Variants in KCMF1 observed in about 807,000 individuals in gnomAD.
KCMF1 encodes E3 ubiquitin-protein ligase KCMF1.
KCMF1 carries 3 observed loss-of-function variants against 41.1 expected under a neutral mutation model. The ratio of observed to expected loss-of-function variants is 0.07; its 90% CI spans 0.03 to 0.19. KCMF1 has a LOEUF of 0.19. Ranked by LOEUF, KCMF1 falls within the 10% of genes least tolerant of loss-of-function variation. The pLI is 1.00. For synonymous variants in KCMF1, 142 were observed against 164.5 expected, an observed-to-expected ratio of 0.86 and a Z score of 1.04; for missense variants, 286 against 488.9, an observed-to-expected ratio of 0.58 and a Z score of 3.91.
chr2:84,983,854 C>T (rs1393510132), intron 1 of KCMF1, among the ~76,000 whole-genome samples: 1 of 152,132 alleles, frequency 6.6e-6, no homozygotes, highest in Non-Finnish European at 1.5e-5. Flanking sequence ...CTATGTTGCC[C>T]AGGCAGGTCC....
chr2:85,018,994 C>T (rs1339438811), intron 1 of KCMF1, among the ~76,000 whole-genome samples: 3 of 151,936 alleles, frequency 2.0e-5, no homozygotes, highest in Non-Finnish European at 4.4e-5. Context: ...ACCTCGGCCT[C>T]CCAAAGTGCT....
chr2:85,036,936 G>A (rs764859434), intron 3 of KCMF1, among the ~76,000 whole-genome samples: 2 of 150,916 alleles, frequency 1.3e-5, no homozygotes, highest in Non-Finnish European at 2.9e-5. Context: ...TCACCCCTCA[G>A]GGGCAAGGCA....
intron 1 of KCMF1, among the ~76,000 whole-genome samples, chr2:85,011,136 C>T (rs531856753): frequency 1.4e-4 from 22 of 152,194 alleles, no homozygotes; most frequent in East Asian, 7.7e-4. Flanking sequence ...CCACCGTGCC[C>T]GGCCAGTCTA....
intron 3 of KCMF1, among the ~76,000 whole-genome samples, chr2:85,038,946 T>C (rs1406624129): frequency 6.6e-6 from 1 of 152,216 alleles, no homozygotes; most frequent in African/African-American, 2.4e-5. Context: ...TCTCAAACTC[T>C]TGTCTGCAAG....
chr2:84,998,032 CA>C (rs1047152575), intron 1 of KCMF1, among the ~76,000 whole-genome samples: 2 of 151,920 alleles, frequency 1.3e-5, no homozygotes, highest in African/African-American at 4.8e-5. Flanking sequence ...CTCGGACTCC[CA>C]TAGTGCTGGG....
At chr2:84,992,128 T>TGAG (rs1312899600) in intron 1 of KCMF1, among the ~76,000 whole-genome samples, 4 of 152,236 alleles carry the variant, frequency 2.6e-5, no homozygotes, top group Non-Finnish European at 5.9e-5. Flanking sequence ...GTAAGTTGTT[T>TGAG]ATCTCTCTGC....
At chr2:85,008,451 G>C (rs1482233924) in intron 1 of KCMF1, among the ~76,000 whole-genome samples, 4 of 103,976 alleles carry the variant, frequency 3.8e-5, no homozygotes, top group Non-Finnish European at 6.4e-5. Context: ...TCATATATCT[G>C]AGATATATGT....
intron 1 of KCMF1, among the ~76,000 whole-genome samples, chr2:85,013,717 G>A (rs1674702104): frequency 6.6e-6 from 1 of 151,748 alleles, no homozygotes; most frequent in Non-Finnish European, 1.5e-5. Context: ...AGAATCACTT[G>A]ACCGCGGGAG....
chr2:84,990,316 A>G (rs1284567279), intron 1 of KCMF1, among the ~76,000 whole-genome samples: 1 of 152,200 alleles, frequency 6.6e-6, no homozygotes, highest in Admixed American at 6.5e-5. Flanking sequence ...TTGGCACATA[A>G]TAGAGACTGG....
chr2:85,046,605 G>C (rs1675673190), intron 5 of KCMF1, among the ~76,000 whole-genome samples: 1 of 151,524 alleles, frequency 6.6e-6, no homozygotes, highest in African/African-American at 2.4e-5. Context: ...AGTCCAGCCT[G>C]GGTGATGGAG....
At chr2:84,978,110 G>A (rs1673597742) in intron 1 of KCMF1, among the ~76,000 whole-genome samples, 1 of 151,672 alleles carries the variant, frequency 6.6e-6, no homozygotes, top group South Asian at 2.1e-4. Flanking sequence ...TGATTCTCCT[G>A]CCTCAGCCTC....
intron 1 of KCMF1, among the ~76,000 whole-genome samples, chr2:84,981,915 G>C (rs1220598926): frequency 6.6e-6 from 1 of 152,068 alleles, no homozygotes; most frequent in African/African-American, 2.4e-5. Context: ...GAGTAGCTGA[G>C]ATTACAGGCG....
Position 84,971,430 on chromosome 2 carries a change from C to A in KCMF1, c.-22C>A. On this transcript the variant is annotated 5_prime_UTR_variant, in exon 1 of 7. Coordinates refer to ENST00000409785, the MANE Select transcript of KCMF1 (RefSeq NM_020122.5). ...TGCAGCCGGAGCCCGGGAGGGGCCG[C>A]GCCGCCACCGTCTGAACTAGGATGT... 1 of 1,250,154 alleles carries A rather than the reference C, an allele frequency of 8.0e-7. No individual in the cohort carries two copies. Among genetic ancestry groups the A allele is most frequent in the Non-Finnish European group, 1.0e-6 (1 of 977,446 alleles). 77.4% of individuals were successfully genotyped at this position (1,250,154 alleles called of 1,614,324 possible). A position where few individuals can be genotyped will look rare whatever the true frequency, so the allele number is the denominator to read the frequency against.
chr2:85,013,176 T>C (rs1016328663), intron 1 of KCMF1, among the ~76,000 whole-genome samples: 15 of 152,192 alleles, frequency 9.9e-5, no homozygotes, highest in Non-Finnish European at 1.6e-4. Flanking sequence ...TATTTACTTA[T>C]CCTTATTCCC....
rs1051379229 is a variant in KCMF1, at chr2:85,056,506, A to G, written c.*3097A>G. On this transcript the variant is annotated 3_prime_UTR_variant, in exon 7 of 7. Coordinates refer to ENST00000409785, the MANE Select transcript of KCMF1 (RefSeq NM_020122.5). Reference sequence around the variant, plus strand: ...CTCACTGCAAATATTAACGCTTTATATATTTACTCCATGGATGTTGGGGTA... The same window carrying G: ...CTCACTGCAAATATTAACGCTTTATGTATTTACTCCATGGATGTTGGGGTA... The G allele has an allele frequency of 2.0e-5, 3 of 152,172 alleles. No individual in the cohort carries two copies. Among genetic ancestry groups the G allele is most frequent in the Non-Finnish European group, 4.4e-5 (3 of 68,040 alleles). 9.4% of individuals were successfully genotyped at this position (152,172 alleles called of 1,614,324 possible).
chr2:84,996,492 G>A (rs903984802), intron 1 of KCMF1, among the ~76,000 whole-genome samples: 1 of 141,750 alleles, frequency 7.1e-6, no homozygotes, highest in Non-Finnish European at 1.5e-5. Context: ...CTGGAGTGCA[G>A]TGGTGCAATC....
intron 1 of KCMF1, among the ~76,000 whole-genome samples, chr2:85,000,309 G>T (rs955710700): frequency 6.6e-6 from 1 of 151,998 alleles, no homozygotes. Flanking sequence ...GTTTTTAGTA[G>T]AGACGGGGTT....
chr2:85,033,305 T>C (rs1164727299), intron 2 of KCMF1, among the ~76,000 whole-genome samples: 1 of 152,238 alleles, frequency 6.6e-6, no homozygotes, highest in East Asian at 1.9e-4. Flanking sequence ...AATAATTAAA[T>C]AATTCTTTTT....
intron 2 of KCMF1, among the ~76,000 whole-genome samples, chr2:85,034,150 T>C (rs1345660119): frequency 6.6e-6 from 1 of 152,144 alleles, no homozygotes; most frequent in Non-Finnish European, 1.5e-5. Context: ...GCTGTGATCA[T>C]CCAGCCTGTG....
Sources: gnomAD v4.1 joint callset for allele counts (sites outside exome capture counted in the v4.1 genomes callset) on GRCh38, gnomAD v4.1.1 for gene constraint, MANE v1.5 for transcripts, NCBI Gene and HGNC (gene_info 2026-07-23, HGNC 2026-07-21) for gene names.